Variants in ADCY4 observed in about 807,000 individuals in gnomAD.
ADCY4 encodes the protein adenylate cyclase 4.
ADCY4 carries 111 observed loss-of-function variants against 125.5 expected under a neutral mutation model. That is an observed-to-expected ratio of 0.88 (90% CI 0.76 to 1.04). The LOEUF (loss-of-function observed/expected upper bound fraction) is 1.04. Among genes scored for constraint, ADCY4 ranks in the 50% least tolerant of loss-of-function variants. The pLI is 0.00. For synonymous variants in ADCY4, 576 were observed against 586.9 expected (o/e 0.98, Z 0.27); for missense variants, 1,256 against 1,382.9 (o/e 0.91, Z 1.46).
At chr14:24,324,427 G>A in intron 14 of ADCY4, 36 bp from the exon 15 acceptor site, 1 of 1,575,178 alleles carries the variant, frequency 6.3e-7, no homozygotes, top group Non-Finnish European at 8.7e-7. Context: ...TGAAGTGCCA[G>A]AACAGGCTCC....
At position 24,334,561 on chromosome 14, in the gene ADCY4, A is replaced by G; in HGVS notation, c.92T>C (p.Leu31Pro). 6.3e-7 allele frequency: 1 copy of G among 1,583,084 alleles called. No individual in the cohort carries two copies. The highest frequency in any genetic ancestry group is 8.6e-7 in the Non-Finnish European group (1 of 1,168,042). Residue 31 changes from leucine to proline, a missense_variant, in exon 1 of 25, where the codon CTG (leucine) becomes CCG (proline). Transcript: ENST00000418030. ...YSLSQQYPLL[L>P]LLLGIVLCAL... ...ACAGAGCACGATCCCCAGCAGCAGC[A>G]GCAGCAGCGGGTACTGCTGGCTCAG...
intron 6 of ADCY4, 53 bp downstream of exon 6, chr14:24,330,965 C>T (rs1188796953): frequency 2.6e-6 from 4 of 1,528,094 alleles, no homozygotes; most frequent in Non-Finnish European, 3.6e-6. Flanking sequence ...GAAGGGGCTA[C>T]CCAGGATGGG....
chr14:24,326,946 G>C (rs2041957835), intron 10 of ADCY4, among the ~76,000 whole-genome samples: 1 of 137,076 alleles, frequency 7.3e-6, no homozygotes, highest in South Asian at 2.4e-4. Flanking sequence ...GCCCAGGCTG[G>C]AGTGCATTGG....
rs542069663 is a variant in ADCY4 at position 24,319,135 on chromosome 14, G to A, written c.2919C>T (p.Ile973=). The A allele has an allele frequency of 1.4e-5, 22 of 1,614,060 alleles. No homozygotes were observed. The Admixed American group carries it at 2.3e-4, about 17-fold the overall frequency. ...GGAAGTTGTTGAATGAATGCTTGTT[G>A]ATGACGTCCAGCTTAGACCCCAGGG... ...AVALGSKLDV[I]NKHSFNNFRL... The change falls in exon 23 of 25, where the codon ATC becomes ATT. Residue 973 remains isoleucine, a synonymous_variant. Coordinates refer to ENST00000418030, the MANE Select transcript of ADCY4 (RefSeq NM_001198568.2). This position sits in a 1 kb window ranked among gnomAD's most constrained non-coding sequence, Gnocchi z 4.5.
At chr14:24,327,609 T>C (rs1273169786) in intron 10 of ADCY4, among the ~76,000 whole-genome samples, 2 of 152,114 alleles carry the variant, frequency 1.3e-5, no homozygotes, top group Non-Finnish European at 2.9e-5. Context: ...CTTCCCCCAC[T>C]CCCCAGTGTT....
Position 24,319,381 on chromosome 14 carries a change from G to A in ADCY4, c.2789C>T (p.Thr930Ile). Residue 930 changes from threonine to isoleucine, a missense_variant, in exon 22 of 25, where the codon ACC (threonine) becomes ATC (isoleucine). Transcript: ENST00000418030. The surrounding 1 kb of genome is among the most constrained non-coding windows in gnomAD (Gnocchi z 4.5). ...ATTTAAGCCTGTGGCTGCCATGTAG[G>A]TGCTGCCGATGGTCTTGATCTTCTC... The part of the protein sequence containing the change: ...GVEKIKTIGS[T>I]YMAATGLNAT... 2 of 1,614,180 alleles carry A rather than the reference G, an allele frequency of 1.2e-6. No homozygotes were observed. Among genetic ancestry groups the A allele is most frequent in the African/African-American group, 1.3e-5 (1 of 75,026 alleles).
In ADCY4 at chr14:24,333,001, G is replaced by A; in HGVS notation, c.160-13C>T. 2 of 1,511,966 alleles carry A rather than the reference G, an allele frequency of 1.3e-6. No individual in the cohort carries two copies. The highest frequency in any genetic ancestry group is 2.3e-5 in the East Asian group (1 of 43,318). 93.7% of individuals were successfully genotyped at this position (1,511,966 alleles called of 1,614,324 possible). On this transcript the variant is annotated splice_polypyrimidine_tract_variant and intron_variant, in intron 1 of 24. Coordinates refer to ENST00000418030, the MANE Select transcript of ADCY4 (RefSeq NM_001198568.2). ...CTGAGGTCAGCTCCTGTGGGCAGGG[G>A]TGTGTGAGGCAAGATTGTGACAGGG...
Position 24,323,034 on chromosome 14 carries a change from T to C in ADCY4, c.2212A>G (p.Met738Val), listed in dbSNP as rs1286467205. ...GFLSCSLFLH[M>V]SFELKLLLLL... is the part of the protein sequence containing the mutation. ...AGCAGCAGCTTCAGCTCGAAGCTCA[T>C]GTGCAGAAAGAGGGAGCAGGAGAGG... Residue 738 changes from methionine to valine, a missense_variant, in exon 18 of 25, where the codon ATG becomes GTG. By Grantham distance (21) the Met-to-Val change is conservative. Coordinates refer to ENST00000418030, the MANE Select transcript of ADCY4 (RefSeq NM_001198568.2). The C allele has an allele frequency of 1.2e-6, 2 of 1,614,056 alleles. No homozygotes were observed. The highest frequency in any genetic ancestry group is 1.7e-6 in the Non-Finnish European group (2 of 1,179,970).
At chr14:24,325,970 A>AG in intron 12 of ADCY4, 83 bp from the exon 13 acceptor site, 1 of 1,588,350 alleles carries the variant, frequency 6.3e-7, no homozygotes, top group Non-Finnish European at 8.6e-7. Flanking sequence ...TGAGGGCAAG[A>AG]GGGGGTGGTC....
In ADCY4 at chr14:24,332,679, G is replaced by T. The variant is rs1294063187; in HGVS notation, c.362C>A (p.Ser121Tyr). The change falls in exon 3 of 25, where the codon TCC becomes TAC. Residue 121 changes from serine to tyrosine, a missense_variant. Transcript: ENST00000418030. ...GGVVSAWDQV[S>Y]YFLFVIFTAY... ...CGTGAAGATGACGAAGAGAAAATAG[G>T]ACACCTGGGGGCGGGGCGCGGGAAG... 1 of 1,587,022 alleles carries T rather than the reference G, an allele frequency of 6.3e-7. No homozygotes were observed. Among genetic ancestry groups the T allele is most frequent in the Non-Finnish European group, 8.6e-7 (1 of 1,166,768 alleles).
At chr14:24,328,361 T>C (rs907589412) in intron 10 of ADCY4, among the ~76,000 whole-genome samples, 8 of 152,196 alleles carry the variant, frequency 5.3e-5, no homozygotes, top group African/African-American at 1.9e-4. Context: ...CCTGTGATGC[T>C]GTGCTTCAGT....
intron 20 of ADCY4, chr14:24,321,862 C>T: frequency 3.0e-6 from 4 of 1,328,036 alleles, no homozygotes; most frequent in Non-Finnish European, 3.9e-6. Context: ...GAAGACATGC[C>T]TTCCAAGTAA....
chr14:24,325,325 A>G (rs2041924952), intron 14 of ADCY4, 52 bp downstream of exon 14: 2 of 1,512,888 alleles, frequency 1.3e-6, no homozygotes, highest in East Asian at 2.3e-5. Flanking sequence ...TCATGAGGGC[A>G]AGGTGATCCG....
chr14:24,320,015 G>T, intron 20 of ADCY4, 127 bp from the exon 21 acceptor site: 1 of 1,201,204 alleles, frequency 8.3e-7, no homozygotes, highest in Non-Finnish European at 1.1e-6. Context: ...TTGGGAAGGA[G>T]GGAGAGGAGT....
intron 1 of ADCY4, among the ~76,000 whole-genome samples, chr14:24,333,365 C>T (rs1259259541): frequency 1.3e-5 from 2 of 151,796 alleles, no homozygotes; most frequent in Non-Finnish European, 2.9e-5. Context: ...GGATTACAGG[C>T]TCCCGCCACC....
chr14:24,331,588 G>T, intron 4 of ADCY4, 200 bp downstream of exon 4: 2 of 918,722 alleles, frequency 2.2e-6, no homozygotes, highest in Non-Finnish European at 3.2e-6. Flanking sequence ...ATATCATAAT[G>T]CTCTAAAGTG....
chr14:24,323,946 T>C (rs1466291462), intron 16 of ADCY4, 116 bp downstream of exon 16: 1 of 1,405,742 alleles, frequency 7.1e-7, no homozygotes, highest in Non-Finnish European at 9.6e-7. Flanking sequence ...TGTACAACAT[T>C]TCCAGCATCC....
Position 24,334,517 on chromosome 14 carries a change from C to A in ADCY4, c.136G>T (p.Ala46Ser), listed in dbSNP as rs2042102450. The A allele has an allele frequency of 6.3e-7, 1 of 1,581,756 alleles. No individual in the cohort carries two copies. Among genetic ancestry groups the A allele is most frequent in the Non-Finnish European group, 8.5e-7 (1 of 1,169,732 alleles). ...IVLCALAALL[A>S]VAWASGRELT... ...ACCCTGCCGCTGGCCCAGGCCACTGCGAGCAGCGCCGCGAGCGCACAGAGC... is the reference window on the plus strand; with the variant it reads ...ACCCTGCCGCTGGCCCAGGCCACTGAGAGCAGCGCCGCGAGCGCACAGAGC... Residue 46 changes from alanine to serine, a missense_variant, in exon 1 of 25, where the codon GCA becomes TCA. By Grantham distance (99) the Ala-to-Ser change is moderately conservative. Coordinates refer to ENST00000418030, the MANE Select transcript of ADCY4 (RefSeq NM_001198568.2).
chr14:24,329,282 T>C, intron 9 of ADCY4, 48 bp from the exon 10 acceptor site: 4 of 1,598,622 alleles, frequency 2.5e-6, no homozygotes, highest in East Asian at 4.5e-5. Flanking sequence ...ACTTCCTCCT[T>C]CTCCCTCCAC....
Sources: gnomAD v4.1 joint callset for allele counts (sites outside exome capture counted in the v4.1 genomes callset) on GRCh38, gnomAD v4.1.1 for gene constraint, Gnocchi (gnomAD v3.1) non-coding constraint, MANE v1.5 for transcripts, NCBI Gene and HGNC (gene_info 2026-07-23, HGNC 2026-07-21) for gene names.